The following ADAMTS12 variants were observed in gnomAD, a reference collection of about 807,000 sequenced individuals.
ADAMTS12 encodes ADAM metallopeptidase with thrombospondin type 1 motif 12, also known as A disintegrin and metalloproteinase with thrombospondin motifs 12.
Under a neutral mutation model 167.8 loss-of-function variants are expected in ADAMTS12, and 118 were observed. That is an observed-to-expected ratio of 0.70 (90% CI 0.61 to 0.82). The LOEUF (loss-of-function observed/expected upper bound fraction) is 0.82, where lower values mean the gene tolerates loss of function less well. ADAMTS12 is among the 40% of genes least tolerant of loss of function. The probability of loss-of-function intolerance (pLI) is 0.00; values close to 1 mark genes in which losing one functional copy is unlikely to be tolerated. For missense variants in ADAMTS12, 1,916 were observed against 1,998.8 expected (o/e 0.96, Z 0.79); for synonymous variants, 704 against 716.9 (o/e 0.98, Z 0.29).
At chr5:33,557,111 A>T (rs1192522029) in intron 20 of ADAMTS12, among the ~76,000 whole-genome samples, 1 of 152,214 alleles carries the variant, frequency 6.6e-6, no homozygotes, top group African/African-American at 2.4e-5. Flanking sequence ...TCCAGACAGC[A>T]ATCACAGTGG....
chr5:33,829,949 G>T (rs1253119387), intron 2 of ADAMTS12, among the ~76,000 whole-genome samples: 2 of 152,108 alleles, frequency 1.3e-5, no homozygotes, highest in Non-Finnish European at 2.9e-5. Flanking sequence ...TCTTGGTCTA[G>T]CCCATACCTA....
At chr5:33,701,896 C>A (rs1250942949) in intron 3 of ADAMTS12, among the ~76,000 whole-genome samples, 2 of 152,216 alleles carry the variant, frequency 1.3e-5, no homozygotes, top group Non-Finnish European at 2.9e-5. Flanking sequence ...GAAAATCCCC[C>A]ATGGCCACAA....
At chr5:33,538,733 T>A (rs1744535300) in intron 22 of ADAMTS12, among the ~76,000 whole-genome samples, 1 of 152,142 alleles carries the variant, frequency 6.6e-6, no homozygotes, top group Admixed American at 6.6e-5. Flanking sequence ...CAAGCGATGG[T>A]CAGTTAGGTA....
At chr5:33,774,957 C>T (rs139605922) in intron 2 of ADAMTS12, among the ~76,000 whole-genome samples, 221 of 152,230 alleles carry the variant, frequency 1.5e-3, no homozygotes, top group African/African-American at 5.0e-3. Flanking sequence ...TCTAGGTAGA[C>T]GGAAGGGATG....
intron 12 of ADAMTS12, 87 bp downstream of exon 12, chr5:33,637,490 T>C (rs1457921910): frequency 9.3e-6 from 13 of 1,394,518 alleles, no homozygotes; most frequent in Non-Finnish European, 1.3e-5. Context: ...TTAAGCTTTG[T>C]GTGGATCACA....
At chr5:33,637,800 T>C in intron 11 of ADAMTS12, 54 bp from the exon 12 acceptor site, 1 of 1,577,388 alleles carries the variant, frequency 6.3e-7, no homozygotes, top group Non-Finnish European at 8.6e-7. Flanking sequence ...GCCAGCACTT[T>C]CCTTTAAAAC....
chr5:33,829,131 T>C (rs1748202851), intron 2 of ADAMTS12, among the ~76,000 whole-genome samples: 1 of 152,130 alleles, frequency 6.6e-6, no homozygotes, highest in South Asian at 2.1e-4. Flanking sequence ...GACAAACAGA[T>C]GGCACCTTTC....
intron 2 of ADAMTS12, among the ~76,000 whole-genome samples, chr5:33,849,005 A>AAT (rs1206377205): frequency 5.4e-5 from 8 of 147,824 alleles, no homozygotes; most frequent in East Asian, 2.0e-4. Context: ...ATTGCATAGC[A>AAT]ATATATATAT....
chr5:33,823,641 A>T (rs1246515537), intron 2 of ADAMTS12, among the ~76,000 whole-genome samples: 1 of 138,600 alleles, frequency 7.2e-6, no homozygotes, highest in African/African-American at 2.7e-5. Context: ...CTATTGCTAT[A>T]ACATTTTCTG....
intron 13 of ADAMTS12, among the ~76,000 whole-genome samples, chr5:33,628,671 C>G (rs1268894065): frequency 1.3e-5 from 2 of 152,056 alleles, no homozygotes; most frequent in Admixed American, 1.3e-4. Flanking sequence ...CATGCTCAAT[C>G]CCCTTTGAAA....
chr5:33,752,628 C>G (rs1745027330), intron 2 of ADAMTS12, among the ~76,000 whole-genome samples: 1 of 152,168 alleles, frequency 6.6e-6, no homozygotes, highest in Admixed American at 6.5e-5. Flanking sequence ...GATTCTATGT[C>G]ATTTTATTGT....
chr5:33,635,608 G>T (rs1223476927), intron 12 of ADAMTS12, among the ~76,000 whole-genome samples: 1 of 152,178 alleles, frequency 6.6e-6, no homozygotes, highest in Non-Finnish European at 1.5e-5. Flanking sequence ...TGTCCACTGA[G>T]GGGGTAGAAA....
intron 2 of ADAMTS12, among the ~76,000 whole-genome samples, chr5:33,783,432 CA>C (rs1746213997): frequency 6.6e-6 from 1 of 151,546 alleles, no homozygotes; most frequent in African/African-American, 2.4e-5. Flanking sequence ...AAAAAGTCAA[CA>C]AAAAACCAAA....
chr5:33,889,849 G>A (rs1470091156), intron 1 of ADAMTS12, among the ~76,000 whole-genome samples: 1 of 152,150 alleles, frequency 6.6e-6, no homozygotes, highest in Non-Finnish European at 1.5e-5. Context: ...GTACTTGGTT[G>A]GCTGAGGCAG....
chr5:33,603,198 T>A (rs1738272719), intron 16 of ADAMTS12, among the ~76,000 whole-genome samples: 3 of 152,156 alleles, frequency 2.0e-5, no homozygotes, highest in Admixed American at 1.3e-4. Context: ...TAGACGCTAT[T>A]ATGACTGACA....
intron 18 of ADAMTS12, among the ~76,000 whole-genome samples, chr5:33,580,552 C>T (rs981586194): frequency 6.6e-6 from 1 of 152,162 alleles, no homozygotes; most frequent in Non-Finnish European, 1.5e-5. Flanking sequence ...TTTCAGCTAC[C>T]TAGCTGGTTG....
At chr5:33,821,900 T>C (rs1052998375) in intron 2 of ADAMTS12, among the ~76,000 whole-genome samples, 1 of 152,296 alleles carries the variant, frequency 6.6e-6, no homozygotes, top group East Asian at 1.9e-4. Flanking sequence ...CAGCTCTTCA[T>C]TTAGAACTGA....
chr5:33,664,093 G>A (rs1304408427), intron 5 of ADAMTS12, among the ~76,000 whole-genome samples: 1 of 152,152 alleles, frequency 6.6e-6, no homozygotes, highest in Non-Finnish European at 1.5e-5. Context: ...AGCTATGAAT[G>A]CATAGCTTTA....
intron 3 of ADAMTS12, among the ~76,000 whole-genome samples, chr5:33,720,982 C>T (rs1579872658): frequency 2.0e-5 from 3 of 152,124 alleles, no homozygotes; most frequent in Admixed American, 1.3e-4. Flanking sequence ...ATCCACTGCC[C>T]AACAACAGTA....
Sources: allele counts gnomAD v4.1 joint callset (sites outside exome capture counted in the v4.1 genomes callset), GRCh38; gene constraint gnomAD v4.1.1; transcripts MANE v1.5; gene names NCBI Gene and HGNC (gene_info 2026-07-23, HGNC 2026-07-21).